Variants in ARB2A observed in about 807,000 individuals in gnomAD.
ARB2A encodes the protein cotranscriptional regulator ARB2A.
At chr5:93,938,622 G>A in the ARB2A span, among the ~76,000 whole-genome samples, 18 of 152,290 alleles carry the variant, frequency 1.2e-4, no homozygotes, top group Admixed American at 1.1e-3. Context: ...GAGATTCCAT[G>A]GAGGGAAAGA....
the ARB2A span, among the ~76,000 whole-genome samples, chr5:93,873,489 A>AGGTT: frequency 6.6e-6 from 1 of 152,028 alleles, no homozygotes; most frequent in Non-Finnish European, 1.5e-5. Context: ...AAAAAAATCT[A>AGGTT]CTGTGTTTAC....
At chr5:94,016,258 G>A in the ARB2A span, among the ~76,000 whole-genome samples, 51 of 152,096 alleles carry the variant, frequency 3.4e-4, no homozygotes, top group African/African-American at 1.2e-3. Flanking sequence ...ACACACACCT[G>A]GGGGTATAGT....
the ARB2A span, among the ~76,000 whole-genome samples, chr5:94,033,333 C>A: frequency 6.6e-6 from 1 of 152,048 alleles, no homozygotes; most frequent in African/African-American, 2.4e-5. Flanking sequence ...CCTTGAGTCT[C>A]ACATGAGACT....
the ARB2A span, among the ~76,000 whole-genome samples, chr5:93,642,177 C>T: frequency 2.6e-5 from 4 of 151,214 alleles, no homozygotes; most frequent in Non-Finnish European, 2.9e-5. Context: ...GAGACAGAGT[C>T]TCCCTATGTT....
the ARB2A span, among the ~76,000 whole-genome samples, chr5:93,775,709 GTCTA>G: frequency 4.5e-4 from 68 of 152,266 alleles, no homozygotes; most frequent in African/African-American, 1.6e-3. Context: ...ACAGTCCAGA[GTCTA>G]TCTAACACAA....
the ARB2A span, among the ~76,000 whole-genome samples, chr5:94,074,116 T>A: frequency 6.6e-6 from 1 of 152,110 alleles, no homozygotes; most frequent in Admixed American, 6.5e-5. Flanking sequence ...ATCTCACAAT[T>A]CAACAACAGA....
the ARB2A span, among the ~76,000 whole-genome samples, chr5:94,083,847 T>C: frequency 1.3e-5 from 2 of 151,310 alleles, no homozygotes; most frequent in East Asian, 1.9e-4. Flanking sequence ...CAAGAATCTC[T>C]GTATCATTAG....
the ARB2A span, among the ~76,000 whole-genome samples, chr5:94,107,338 G>A: frequency 6.7e-6 from 1 of 150,050 alleles, no homozygotes; most frequent in African/African-American, 2.5e-5. Flanking sequence ...TCAGTCATCT[G>A]CCATCTCATC....
At chr5:94,059,217 A>G in the ARB2A span, among the ~76,000 whole-genome samples, 9 of 152,128 alleles carry the variant, frequency 5.9e-5, no homozygotes, top group Non-Finnish European at 2.9e-5. Context: ...AGTGGATGAA[A>G]TGTTTTCCAA....
the ARB2A span, among the ~76,000 whole-genome samples, chr5:93,624,389 A>C: frequency 1.3e-5 from 2 of 152,166 alleles, no homozygotes; most frequent in African/African-American, 2.4e-5. Flanking sequence ...TAATTTTCCT[A>C]ATTTAGAGAG....
At chr5:93,788,116 A>C in the ARB2A span, among the ~76,000 whole-genome samples, 4 of 152,124 alleles carry the variant, frequency 2.6e-5, no homozygotes, top group African/African-American at 4.8e-5. Context: ...ACTAAATATC[A>C]AGTACAGTAC....
chr5:93,683,974 ATTACT>A, the ARB2A span, among the ~76,000 whole-genome samples: 3 of 145,556 alleles, frequency 2.1e-5, no homozygotes, highest in Admixed American at 1.4e-4. Flanking sequence ...AATGTTATTA[ATTACT>A]TTAATTATGT....
chr5:93,649,596 T>A, the ARB2A span, among the ~76,000 whole-genome samples: 2 of 152,354 alleles, frequency 1.3e-5, no homozygotes, highest in East Asian at 1.9e-4. Flanking sequence ...AAATTCTTTT[T>A]AATTTTTTTG....
the ARB2A span, among the ~76,000 whole-genome samples, chr5:94,010,704 T>C: frequency 6.6e-6 from 1 of 152,122 alleles, no homozygotes; most frequent in Non-Finnish European, 1.5e-5. Context: ...TTTCTTTGAA[T>C]TGTAAGGTTT....
At chr5:93,783,577 C>T in the ARB2A span, among the ~76,000 whole-genome samples, 1 of 151,970 alleles carries the variant, frequency 6.6e-6, no homozygotes, top group Non-Finnish European at 1.5e-5. Context: ...GGAAGAAAAC[C>T]AGGAAGGTCA....
At chr5:93,832,925 C>T in the ARB2A span, among the ~76,000 whole-genome samples, 3 of 152,162 alleles carry the variant, frequency 2.0e-5, no homozygotes, top group Non-Finnish European at 4.4e-5. Context: ...GTCAGAATCT[C>T]ATGCAGAAAT....
chr5:93,972,835 T>C, the ARB2A span, among the ~76,000 whole-genome samples: 1 of 151,464 alleles, frequency 6.6e-6, no homozygotes, highest in Admixed American at 6.6e-5. Context: ...TAGCACTTTG[T>C]AAGGTCAAAG....
At chr5:93,819,415 A>G in the ARB2A span, among the ~76,000 whole-genome samples, 1 of 152,220 alleles carries the variant, frequency 6.6e-6, no homozygotes, top group East Asian at 1.9e-4. Context: ...GTTATATTAC[A>G]AATGGCAATT....
At chr5:93,641,566 C>T in the ARB2A span, among the ~76,000 whole-genome samples, 3 of 152,068 alleles carry the variant, frequency 2.0e-5, no homozygotes, top group Non-Finnish European at 4.4e-5. Context: ...AGTAGAAACA[C>T]AGGATTGTGG....
Sources: gnomAD v4.1 joint callset for allele counts (sites outside exome capture counted in the v4.1 genomes callset) on GRCh38, gnomAD v4.1.1 for gene constraint, MANE v1.5 for transcripts, NCBI Gene and HGNC (gene_info 2026-07-23, HGNC 2026-07-21) for gene names.